ALDH18A1: variants seen among roughly 807,000 people sequenced by gnomAD.
ALDH18A1 encodes the protein delta-1-pyrroline-5-carboxylate synthase.
A neutral mutation model predicts 88.8 loss-of-function variants in ALDH18A1; 44 were observed. The ratio of observed to expected loss-of-function variants is 0.50; its 90% confidence interval spans 0.39 to 0.64. The LOEUF is 0.64. Among genes scored for constraint, ALDH18A1 ranks in the 30% least tolerant of loss-of-function variants. The pLI, the probability that ALDH18A1 is intolerant of heterozygous loss-of-function variation, is 0.00. For synonymous variants in ALDH18A1, 331 were observed against 372.1 expected (o/e 0.89, Z 1.27); for missense variants, 782 against 1,009.5 (o/e 0.77, Z 3.05).
At chr10:95,631,288 G>A (rs35712039) in intron 7 of ALDH18A1, among the ~76,000 whole-genome samples, 15,418 of 152,098 alleles carry the variant, frequency 0.1, 926 homozygotes, top group Middle Eastern at 0.2. Context: ...GACTTCTACA[G>A]TGGCTCCAAC....
At chr10:95,640,379 T>A (rs2097889206) in intron 3 of ALDH18A1, among the ~76,000 whole-genome samples, 1 of 151,566 alleles carries the variant, frequency 6.6e-6, no homozygotes, top group South Asian at 2.1e-4. Flanking sequence ...AGTCTCACTC[T>A]CGCCCAGGCT....
intron 2 of ALDH18A1, among the ~76,000 whole-genome samples, chr10:95,649,545 C>T (rs554473781): frequency 2.0e-5 from 3 of 151,512 alleles, no homozygotes; most frequent in African/African-American, 4.8e-5. Flanking sequence ...TTAGTACAGA[C>T]GGGGTTTCAC....
At chr10:95,652,501 C>T (rs991096449) in intron 2 of ALDH18A1, among the ~76,000 whole-genome samples, 5 of 152,000 alleles carry the variant, frequency 3.3e-5, no homozygotes, top group Non-Finnish European at 7.4e-5. Context: ...GGAGGGAGGC[C>T]GAGGCGGGCA....
At chr10:95,622,790 G>A (rs1045852517) in intron 11 of ALDH18A1, among the ~76,000 whole-genome samples, 3 of 151,320 alleles carry the variant, frequency 2.0e-5, no homozygotes, top group African/African-American at 7.3e-5. Flanking sequence ...GCCCACCTCG[G>A]CCTCCCAAAG....
chr10:95,616,219 A>G (rs1282968267), intron 13 of ALDH18A1, among the ~76,000 whole-genome samples: 1 of 152,214 alleles, frequency 6.6e-6, no homozygotes, highest in East Asian at 1.9e-4. Flanking sequence ...CTTGTGACCC[A>G]AAGAATGAAG....
chr10:95,625,238 T>A, intron 11 of ALDH18A1, 124 bp downstream of exon 11: 3 of 867,540 alleles, frequency 3.5e-6, no homozygotes, highest in South Asian at 1.3e-5. Context: ...AAATGATACA[T>A]AATGTACAAT....
chr10:95,647,566 G>A (rs2097903235), intron 2 of ALDH18A1, among the ~76,000 whole-genome samples: 1 of 152,190 alleles, frequency 6.6e-6, no homozygotes, highest in East Asian at 1.9e-4. Context: ...GAATCTCTCT[G>A]GTATTCTCCT....
intron 5 of ALDH18A1, among the ~76,000 whole-genome samples, chr10:95,636,199 T>C (rs1464714611): frequency 6.6e-6 from 1 of 152,186 alleles, no homozygotes; most frequent in Non-Finnish European, 1.5e-5. Context: ...ACAATATATG[T>C]ATATATAACA....
intron 2 of ALDH18A1, among the ~76,000 whole-genome samples, chr10:95,650,071 C>CA (rs1034759052): frequency 7.6e-4 from 108 of 141,550 alleles, no homozygotes; most frequent in South Asian, 2.5e-3. Context: ...CTCAAGAAAA[C>CA]AAAAAAAAAA....
At chr10:95,634,820 C>T (rs2097877601) in intron 5 of ALDH18A1, among the ~76,000 whole-genome samples, 1 of 152,140 alleles carries the variant, frequency 6.6e-6, no homozygotes, top group African/African-American at 2.4e-5. Context: ...TGGCAACAAA[C>T]CTTGAGGCTC....
chr10:95,634,008 T>C (rs963667563), intron 5 of ALDH18A1, among the ~76,000 whole-genome samples: 10 of 152,048 alleles, frequency 6.6e-5, no homozygotes, highest in African/African-American at 2.2e-4. Flanking sequence ...GGTTTCGCCA[T>C]GTTGGCCAGG....
chr10:95,637,080 C>T lies in ALDH18A1; in HGVS notation c.558+13G>A, dbSNP rs758701380. 1.9e-6 allele frequency: 3 copies of T among 1,613,436 alleles called. No individual in the cohort carries two copies. Among genetic ancestry groups the T allele is most frequent in the East Asian group, 2.2e-5 (1 of 44,850 alleles). On this transcript the variant is annotated intron_variant, in intron 5 of 17. Transcript: ENST00000371224. ...CACAGGTCCCACACCCATTTCAAAG[C>T]CCAGCCTCTCACCTGGGCAGCACAG...
At chr10:95,652,755 T>G (rs2097912276) in intron 2 of ALDH18A1, among the ~76,000 whole-genome samples, 2 of 151,940 alleles carry the variant, frequency 1.3e-5, no homozygotes, top group Admixed American at 1.3e-4. Flanking sequence ...ATGTAAAAAT[T>G]TATTTGGGGG....
chr10:95,626,198 C>T (rs553914616), intron 10 of ALDH18A1, among the ~76,000 whole-genome samples: 5 of 152,082 alleles, frequency 3.3e-5, no homozygotes, highest in South Asian at 2.1e-4. Flanking sequence ...CTCTCAAATC[C>T]GTCCTTGACA....
At chr10:95,648,818 GAC>G (rs1393479403) in intron 2 of ALDH18A1, among the ~76,000 whole-genome samples, 1 of 152,160 alleles carries the variant, frequency 6.6e-6, no homozygotes, top group Admixed American at 6.6e-5. Flanking sequence ...ACCTGACACA[GAC>G]ACAGAACCAC....
chr10:95,622,546 A>G (rs965345918), intron 11 of ALDH18A1, among the ~76,000 whole-genome samples: 8 of 151,506 alleles, frequency 5.3e-5, no homozygotes, highest in African/African-American at 1.5e-4. Flanking sequence ...AGAATTTTCT[A>G]TATTTTTTTG....
chr10:95,655,461 A>G (rs2097916434), intron 1 of ALDH18A1, among the ~76,000 whole-genome samples: 1 of 152,202 alleles, frequency 6.6e-6, no homozygotes, highest in Non-Finnish European at 1.5e-5. Flanking sequence ...AATATTCACT[A>G]TTAGATACAA....
intron 3 of ALDH18A1, among the ~76,000 whole-genome samples, chr10:95,639,847 A>ATT (rs1176396908): frequency 1.3e-5 from 2 of 149,692 alleles, no homozygotes; most frequent in African/African-American, 4.9e-5. Context: ...CCCAGCCTAC[A>ATT]TTTTCCCAAT....
chr10:95,616,267 C>T lies in ALDH18A1; in HGVS notation c.1605+210G>A, dbSNP rs911802352. 3.9e-5 allele frequency among the ~76,000 whole-genome samples: 6 copies of T among 152,192 alleles called. No homozygotes were observed. In the East Asian group the frequency reaches 5.8e-4, roughly 15 times the overall value. On this transcript the variant is annotated intron_variant, in intron 13 of 17. Coordinates refer to ENST00000371224, the MANE Select transcript of ALDH18A1 (RefSeq NM_002860.4). ...TTCTTGTAAATAAATAGTGCCAAGA[C>T]GCAGCTGTAAGGGAGGGGCCTTCCT...
Sources: allele counts gnomAD v4.1 joint callset (sites outside exome capture counted in the v4.1 genomes callset), GRCh38; gene constraint gnomAD v4.1.1; transcripts MANE v1.5; gene names NCBI Gene and HGNC (gene_info 2026-07-23, HGNC 2026-07-21).